The following NAALADL2 variants were observed in gnomAD, a reference collection of about 807,000 sequenced individuals.
NAALADL2 encodes the protein N-acetylated alpha-linked acidic dipeptidase like 2, also known as inactive N-acetylated-alpha-linked acidic dipeptidase-like protein 2.
A neutral mutation model predicts 87.2 loss-of-function variants in NAALADL2; 76 were observed. The ratio of observed to expected loss-of-function variants is 0.87; its 90% CI spans 0.72 to 1.05. NAALADL2 has a LOEUF of 1.05. NAALADL2 is among the 50% of genes least tolerant of loss of function. NAALADL2 has a pLI of 0.00. For missense variants in NAALADL2, 1,089 were observed against 945.8 expected (o/e 1.15, Z -1.99); for synonymous variants, 354 against 331.0 (o/e 1.07, Z -0.75).
At chr3:174,767,118 C>G (rs913071566) in intron 3 of NAALADL2, among the ~76,000 whole-genome samples, 1 of 152,108 alleles carries the variant, frequency 6.6e-6, no homozygotes, top group African/African-American at 2.4e-5. Flanking sequence ...GTGAATAGGC[C>G]TGAGTTTTCT....
chr3:175,091,971 CA>C (rs1260560836), intron 1 of NAALADL2, among the ~76,000 whole-genome samples: 1 of 151,728 alleles, frequency 6.6e-6, no homozygotes, highest in African/African-American at 2.4e-5. Context: ...TTTAGTTAAC[CA>C]TGTATTTTAA....
intron 2 of NAALADL2, among the ~76,000 whole-genome samples, chr3:175,232,419 A>G (rs1458948119): frequency 6.6e-6 from 1 of 152,042 alleles, no homozygotes; most frequent in Non-Finnish European, 1.5e-5. Flanking sequence ...TTTTACCACT[A>G]TTGTGTCTGC....
intron 1 of NAALADL2, among the ~76,000 whole-genome samples, chr3:175,083,349 T>C (rs376162540): frequency 2.4e-4 from 36 of 152,202 alleles, no homozygotes; most frequent in African/African-American, 7.5e-4. Context: ...GTGTTCAGAA[T>C]TTGGGGTGTC....
chr3:174,817,859 T>C (rs566830938), intron 3 of NAALADL2, among the ~76,000 whole-genome samples: 1 of 152,272 alleles, frequency 6.6e-6, no homozygotes, highest in East Asian at 1.9e-4. Context: ...CGTTTATCTT[T>C]AAAAAATAGT....
At chr3:174,802,177 T>G (rs1298511186) in intron 3 of NAALADL2, among the ~76,000 whole-genome samples, 1 of 152,068 alleles carries the variant, frequency 6.6e-6, no homozygotes, top group Non-Finnish European at 1.5e-5. Context: ...TTATTGTTTC[T>G]CTATTTCTTA....
In NAALADL2 at chr3:175,712,584, T is replaced by C. The variant is rs116729233; in HGVS notation, c.1897-24722T>C. 7.1e-3 allele frequency among the ~76,000 whole-genome samples: 1,073 copies of C among 151,784 alleles called. 16 individuals carry two copies. Among genetic ancestry groups the C allele is most frequent in the African/African-American group, 0.025 (1,036 of 41,430 alleles). ...TCCTCTCTGGCCCAGCAGGAAGGGGTCAACCAAAGACGGTGATTATTTCTC... is the reference window on the plus strand; with the variant it reads ...TCCTCTCTGGCCCAGCAGGAAGGGGCCAACCAAAGACGGTGATTATTTCTC... On this transcript the variant is annotated intron_variant, in intron 11 of 13. Transcript: ENST00000454872.
chr3:174,444,915 A>G (rs1393791032), intron 1 of NAALADL2, among the ~76,000 whole-genome samples: 1 of 152,124 alleles, frequency 6.6e-6, no homozygotes, highest in African/African-American at 2.4e-5. Context: ...TAGGTTGTAG[A>G]TGTATGGTAG....
At chr3:175,628,656 A>G (rs1727341907) in intron 11 of NAALADL2, among the ~76,000 whole-genome samples, 1 of 145,408 alleles carries the variant, frequency 6.9e-6, no homozygotes, top group Non-Finnish European at 1.5e-5. Flanking sequence ...ATATTTTTAT[A>G]TTTATGTATG....
At chr3:174,981,426 A>C (rs762015423) in intron 1 of NAALADL2, among the ~76,000 whole-genome samples, 18 of 152,194 alleles carry the variant, frequency 1.2e-4, no homozygotes, top group Non-Finnish European at 2.5e-4. Context: ...TAACAAATCA[A>C]ACATGGGCCA....
chr3:174,926,112 T>C (rs1423615663), intron 1 of NAALADL2, among the ~76,000 whole-genome samples: 1 of 152,004 alleles, frequency 6.6e-6, no homozygotes, highest in African/African-American at 2.4e-5. Flanking sequence ...TATCAGTGTT[T>C]GAAGATCAAA....
chr3:175,447,145 A>T, intron 5 of NAALADL2, 84 bp from the exon 6 acceptor site: 1 of 815,694 alleles, frequency 1.2e-6, no homozygotes, highest in Non-Finnish European at 1.9e-6. Flanking sequence ...GTCATAATTT[A>T]AATACTTATT....
chr3:175,678,236 A>T lies in NAALADL2; in HGVS notation c.1896+50850A>T, dbSNP rs148579658. ...GCCTATTCAATATTCAGATATTTTGATATCTGACAACATAAAAATGAGTTC... is the reference window on the plus strand; with the variant it reads ...GCCTATTCAATATTCAGATATTTTGTTATCTGACAACATAAAAATGAGTTC... On this transcript the variant is annotated intron_variant, in intron 11 of 13. Transcript: ENST00000454872. 6.6e-3 allele frequency among the ~76,000 whole-genome samples: 998 copies of T among 152,316 alleles called. 25 individuals carry two copies. Among genetic ancestry groups the T allele is most frequent in the South Asian group, 0.063 (303 of 4,834 alleles).
intron 2 of NAALADL2, among the ~76,000 whole-genome samples, chr3:175,207,353 A>T (rs1326870335): frequency 6.6e-6 from 1 of 152,100 alleles, no homozygotes; most frequent in Non-Finnish European, 1.5e-5. Context: ...AAAAAAAAAG[A>T]GATTAAAACC....
rs574205005 is a variant in NAALADL2, at chr3:175,248,678, G to C, written c.820-7733G>C. Among the ~76,000 whole-genome samples, 3 of 152,118 alleles carry C rather than the reference G, an allele frequency of 2.0e-5. No homozygotes were observed. The South Asian group carries it at 6.2e-4, about 31-fold the overall frequency. On this transcript the variant is annotated intron_variant, in intron 3 of 13. Coordinates refer to ENST00000454872, the MANE Select transcript of NAALADL2 (RefSeq NM_207015.3). ...TGCCAATAACTGTTTTTGGTGCTCA[G>C]AACAGAAAGATTGCCGTGGCCACTG...
At chr3:175,176,043 G>T (rs1042801767) in intron 2 of NAALADL2, among the ~76,000 whole-genome samples, 1 of 152,094 alleles carries the variant, frequency 6.6e-6, no homozygotes, top group African/African-American at 2.4e-5. Flanking sequence ...GTATAAGAGA[G>T]AATTTTTATA....
intron 2 of NAALADL2, among the ~76,000 whole-genome samples, chr3:174,708,666 G>T (rs1159362221): frequency 6.6e-6 from 1 of 151,974 alleles, no homozygotes; most frequent in African/African-American, 2.4e-5. Context: ...TATCTATGTT[G>T]GTCAAGAGAA....
At chr3:174,588,291 A>G (rs1448613543) in intron 2 of NAALADL2, among the ~76,000 whole-genome samples, 1 of 152,088 alleles carries the variant, frequency 6.6e-6, no homozygotes, top group East Asian at 1.9e-4. Context: ...CAAGGTTTTT[A>G]GCTTCTTTGT....
At chr3:174,593,751 A>C (rs1291212496) in intron 2 of NAALADL2, among the ~76,000 whole-genome samples, 1 of 152,094 alleles carries the variant, frequency 6.6e-6, no homozygotes, top group African/African-American at 2.4e-5. Flanking sequence ...CCATGAACTA[A>C]TTTTATCTCC....
chr3:175,049,461 C>T (rs898708858), intron 1 of NAALADL2, among the ~76,000 whole-genome samples: 8 of 152,140 alleles, frequency 5.3e-5, no homozygotes, highest in Admixed American at 1.3e-4. Context: ...AAAAAATAGA[C>T]GCAGACTTTT....
Sources: gnomAD v4.1 joint callset for allele counts (sites outside exome capture counted in the v4.1 genomes callset) on GRCh38, gnomAD v4.1.1 for gene constraint, MANE v1.5 for transcripts, NCBI Gene and HGNC (gene_info 2026-07-23, HGNC 2026-07-21) for gene names.